The following PAWR variants were observed in gnomAD, a reference collection of about 807,000 sequenced individuals.
The protein encoded by PAWR is PRKC apoptosis WT1 regulator protein.
Under a neutral mutation model 32.0 loss-of-function variants are expected in PAWR, and 23 were observed. That is an observed-to-expected ratio of 0.72 (90% CI 0.52 to 1.02). PAWR has a LOEUF of 1.02. PAWR is among the 50% of genes least tolerant of loss of function. PAWR has a pLI of 0.00. For synonymous variants in PAWR, 226 were observed against 187.1 expected (o/e 1.21, Z -1.70); for missense variants, 457 against 437.7 (o/e 1.04, Z -0.39).
intron 4 of PAWR, among the ~76,000 whole-genome samples, chr12:79,601,818 T>C (rs1873974129): frequency 6.6e-6 from 1 of 152,204 alleles, no homozygotes; most frequent in African/African-American, 2.4e-5. Flanking sequence ...GTTTGAATAT[T>C]TGATTTTTAA....
chr12:79,602,770 ATTT>A (rs1037453130), intron 4 of PAWR, among the ~76,000 whole-genome samples: 4 of 139,380 alleles, frequency 2.9e-5, no homozygotes, highest in Admixed American at 1.5e-4. Flanking sequence ...TACCTGGCTA[ATTT>A]TTTTTTTTTT....
chr12:79,651,665 TAGG>T (rs1474473319), intron 2 of PAWR, among the ~76,000 whole-genome samples: 2 of 127,318 alleles, frequency 1.6e-5, no homozygotes, highest in Non-Finnish European at 3.2e-5. Context: ...TGCTCGAGCC[TAGG>T]AGTTCAAAGC....
At chr12:79,645,154 C>G (rs1876514771) in intron 2 of PAWR, among the ~76,000 whole-genome samples, 1 of 152,034 alleles carries the variant, frequency 6.6e-6, no homozygotes, top group South Asian at 2.1e-4. Context: ...AAGAGATGCA[C>G]ACATCCCATT....
intron 4 of PAWR, among the ~76,000 whole-genome samples, chr12:79,607,743 A>AAT (rs1555234263): frequency 5.5e-5 from 7 of 127,838 alleles, no homozygotes; most frequent in South Asian, 2.2e-4. Context: ...AAAAAAAAAA[A>AAT]AATAATAATA....
chr12:79,637,741 C>T (rs1440414667), intron 2 of PAWR, among the ~76,000 whole-genome samples: 5 of 151,814 alleles, frequency 3.3e-5, no homozygotes, highest in African/African-American at 1.2e-4. Context: ...TACAACATAC[C>T]TCTAAACTAG....
chr12:79,640,868 T>C (rs1876289640), intron 2 of PAWR, among the ~76,000 whole-genome samples: 3 of 152,218 alleles, frequency 2.0e-5, no homozygotes. Context: ...TGTCCTATAA[T>C]AGTTTGATGC....
rs144766354 is a variant in PAWR, at chr12:79,590,880, G to T, written c.*1727C>A. The T allele has an allele frequency of 2.1e-3, 324 of 152,240 alleles. 2 individuals carry two copies. Among genetic ancestry groups the T allele is most frequent in the African/African-American group, 7.6e-3 (316 of 41,546 alleles). The allele number at this position is 152,240 out of a possible 1,614,324, so 9.4% of individuals were successfully genotyped here. A position where few individuals can be genotyped will look rare whatever the true frequency, so the allele number is the denominator to read the frequency against. ...TGGTAATCTAACATTAAACTTTTTC[G>T]TGAGCAGTGAATATACACATGGTCA... On this transcript the variant is annotated 3_prime_UTR_variant, in exon 7 of 7. Transcript: ENST00000328827.
rs1487563153 is a variant in PAWR, at chr12:79,621,128, A to G, written c.596T>C (p.Ile199Thr). Reference protein sequence around the residue: ...REDAITQQNTIQNEAVNLLDP... With the variant: ...REDAITQQNTTQNEAVNLLDP... ...TAGTAAGTTTACAGCTTCATTCTGA[A>G]TAGTGTTCTGTTGTGTAATTGCATC... Residue 199 changes from isoleucine (I) to threonine (T), a missense_variant, in exon 3 of 7, where the codon ATT becomes ACT. Transcript: ENST00000328827. The G allele has an allele frequency of 1.2e-6, 2 of 1,608,068 alleles. No individual in the cohort carries two copies. Among genetic ancestry groups the G allele is most frequent in the Admixed American group, 1.7e-5 (1 of 59,994 alleles).
intron 2 of PAWR, among the ~76,000 whole-genome samples, chr12:79,651,770 G>A (rs1876860170): frequency 6.6e-6 from 1 of 152,042 alleles, no homozygotes; most frequent in Non-Finnish European, 1.5e-5. Flanking sequence ...TTCTGTAGTA[G>A]ATGTCTAAAC....
intron 4 of PAWR, among the ~76,000 whole-genome samples, chr12:79,605,644 T>C (rs1483222173): frequency 6.6e-6 from 1 of 152,152 alleles, no homozygotes; most frequent in Non-Finnish European, 1.5e-5. Context: ...ATGTATAATA[T>C]TTCATATAGG....
rs540188364 is a variant in PAWR, at chr12:79,591,649, A to T, written c.*958T>A. On this transcript the variant is annotated 3_prime_UTR_variant, in exon 7 of 7. Coordinates refer to ENST00000328827, the MANE Select transcript of PAWR (RefSeq NM_002583.4). ...CTCTCATATGAAAAAACTGTGTCCC[A>T]GTGTTATTCTTCAACTTAGAAATTA... 6.6e-6 allele frequency: 1 copy of T among 152,286 alleles called. No homozygotes were observed. Among genetic ancestry groups the T allele is most frequent in the Admixed American group, 6.5e-5 (1 of 15,296 alleles). 9.4% of individuals were successfully genotyped at this position (152,286 alleles called of 1,614,324 possible).
intron 2 of PAWR, among the ~76,000 whole-genome samples, chr12:79,656,528 T>C (rs187920523): frequency 4.9e-4 from 75 of 152,296 alleles, no homozygotes; most frequent in African/African-American, 1.8e-3. Flanking sequence ...ATGGTGCTAC[T>C]ACTCACAAGT....
intron 2 of PAWR, among the ~76,000 whole-genome samples, chr12:79,678,185 AT>A (rs1878262433): frequency 1.3e-5 from 2 of 152,208 alleles, no homozygotes; most frequent in Admixed American, 6.5e-5. Context: ...GAACAAGACA[AT>A]CCTTTTAATG....
chr12:79,593,942 G>A (rs988091872), intron 6 of PAWR, among the ~76,000 whole-genome samples: 1 of 151,806 alleles, frequency 6.6e-6, no homozygotes, highest in Non-Finnish European at 1.5e-5. Context: ...GACTTCACGT[G>A]ATCCGCCCTC....
At chr12:79,674,740 G>A (rs556055501) in intron 2 of PAWR, among the ~76,000 whole-genome samples, 30 of 152,014 alleles carry the variant, frequency 2.0e-4, no homozygotes, top group Non-Finnish European at 2.1e-4. Flanking sequence ...ATTAAAAAGC[G>A]GGCAAAGGAC....
Position 79,690,059 on chromosome 12 carries a change from C to T in PAWR, c.186G>A (p.Ala62=). ...TGTTGAGCTCGTTGGCAGCGGCGGC[C>T]GCCGGGGTGCCCAGAGCCCCCGCGG... ...KPPAGALGTP[A]AAAANELNNN... The change falls in exon 2 of 7, where the codon GCG becomes GCA. Residue 62 remains alanine (A), a synonymous_variant. Transcript: ENST00000328827. 1 of 1,367,466 alleles carries T rather than the reference C, an allele frequency of 7.3e-7. No individual in the cohort carries two copies. The highest frequency in any genetic ancestry group is 9.3e-7 in the Non-Finnish European group (1 of 1,070,444). 84.7% of individuals were successfully genotyped at this position (1,367,466 alleles called of 1,614,324 possible).
intron 4 of PAWR, 157 bp from the exon 5 acceptor site, chr12:79,596,815 C>A: frequency 1.9e-6 from 1 of 518,478 alleles, no homozygotes; most frequent in Non-Finnish European, 3.3e-6. Flanking sequence ...ATTATTCCCA[C>A]ACAATGAAAA....
At chr12:79,596,748 A>C in intron 4 of PAWR, 90 bp from the exon 5 acceptor site, 1 of 784,422 alleles carries the variant, frequency 1.3e-6, no homozygotes, top group Non-Finnish European at 2.0e-6. Flanking sequence ...AAAAATTAAC[A>C]TTCCCCAAGG....
intron 1 of PAWR, chr12:79,690,614 A>T (rs958411459): frequency 5.8e-6 from 1 of 172,120 alleles, no homozygotes. Context: ...GACTGACCCC[A>T]CCCCCAAGTC....
Sources: allele counts gnomAD v4.1 joint callset (sites outside exome capture counted in the v4.1 genomes callset), GRCh38; gene constraint gnomAD v4.1.1; transcripts MANE v1.5; gene names NCBI Gene and HGNC (gene_info 2026-07-23, HGNC 2026-07-21).